FSTL4: variants seen among roughly 807,000 people sequenced by gnomAD.
FSTL4 encodes the protein follistatin like 4, also known as follistatin-related protein 4.
FSTL4 carries 28 observed loss-of-function variants against 78.2 expected under a neutral mutation model. That is an observed-to-expected ratio of 0.36 (90% CI 0.27 to 0.49). The LOEUF (loss-of-function observed/expected upper bound fraction) is 0.49. Among genes scored for constraint, FSTL4 ranks in the 20% least tolerant of loss-of-function variants. The probability of loss-of-function intolerance (pLI) is 0.98; values close to 1 mark genes in which losing one functional copy is unlikely to be tolerated. For synonymous variants in FSTL4, 422 were observed against 440.5 expected (o/e 0.96, Z 0.53); for missense variants, 922 against 1,084.9 (o/e 0.85, Z 2.11).
At chr5:133,834,813 G>A in the FSTL4 span, among the ~76,000 whole-genome samples, 1 of 151,906 alleles carries the variant, frequency 6.6e-6, no homozygotes, top group Non-Finnish European at 1.5e-5. Context: ...AACATGTATA[G>A]TTAGATCCTG....
intron 7 of FSTL4, among the ~76,000 whole-genome samples, chr5:133,241,940 C>T (rs1036918230): frequency 2.0e-5 from 3 of 152,178 alleles, no homozygotes; most frequent in Non-Finnish European, 2.9e-5. Context: ...TGGCTCATTT[C>T]AGGGACCAAG....
intron 3 of FSTL4, among the ~76,000 whole-genome samples, chr5:133,553,083 T>C (rs1759720425): frequency 6.6e-6 from 1 of 152,090 alleles, no homozygotes; most frequent in Non-Finnish European, 1.5e-5. Flanking sequence ...TCTCTGGGCC[T>C]GGAAAACGTA....
chr5:133,603,969 G>A lies in FSTL4; in HGVS notation c.15C>T (p.Gly5=), dbSNP rs200748531. ...CGAGCAGTGTGAGATGCAGCCAAAAGCCTCCTGGTTTCATTTTGATGAGTC... is the reference window on the plus strand; with the variant it reads ...CGAGCAGTGTGAGATGCAGCCAAAAACCTCCTGGTTTCATTTTGATGAGTC... The part of the protein sequence containing the change: MKPG[G]FWLHLTLLGA... Residue 5 remains glycine (G), a synonymous_variant, in exon 2 of 16, where the codon GGC becomes GGT. Transcript: ENST00000265342. 193 of 1,612,780 alleles carry A rather than the reference G, an allele frequency of 1.2e-4. 1 individual carries two copies. The highest frequency in any genetic ancestry group is 7.3e-5 in the Non-Finnish European group (86 of 1,178,810).
At chr5:133,734,789 T>G in the FSTL4 span, among the ~76,000 whole-genome samples, 1 of 152,230 alleles carries the variant, frequency 6.6e-6, no homozygotes, top group Non-Finnish European at 1.5e-5. Flanking sequence ...TCTGCTCTCT[T>G]CAGCAAGTTA....
intron 4 of FSTL4, among the ~76,000 whole-genome samples, chr5:133,399,698 T>C (rs1329419101): frequency 6.6e-6 from 1 of 152,228 alleles, no homozygotes; most frequent in Admixed American, 6.5e-5. Context: ...CACGCCTTTG[T>C]CTTCTAGTGT....
the FSTL4 span, among the ~76,000 whole-genome samples, chr5:133,741,650 G>A: frequency 6.6e-6 from 1 of 152,146 alleles, no homozygotes; most frequent in Non-Finnish European, 1.5e-5. Context: ...AGAACACAGA[G>A]GCCTCTCTGC....
At chr5:133,599,944 C>T (rs62376605) in intron 2 of FSTL4, among the ~76,000 whole-genome samples, 1 of 152,230 alleles carries the variant, frequency 6.6e-6, no homozygotes, top group African/African-American at 2.4e-5. Context: ...AGGCTGCTAC[C>T]ATATCACTTC....
chr5:133,673,290 C>G, the FSTL4 span, among the ~76,000 whole-genome samples: 19 of 152,316 alleles, frequency 1.2e-4, 1 homozygote, highest in Admixed American at 1.2e-3. Context: ...GCTGTGAGTA[C>G]AGGTGTGGCA....
chr5:133,297,589 ACACT>A (rs1753428853), intron 6 of FSTL4, among the ~76,000 whole-genome samples: 1 of 152,234 alleles, frequency 6.6e-6, no homozygotes, highest in Non-Finnish European at 1.5e-5. Flanking sequence ...AAGCTGCTTA[ACACT>A]CAGTCAATGT....
the FSTL4 span, among the ~76,000 whole-genome samples, chr5:133,710,153 T>C: frequency 6.6e-6 from 1 of 152,138 alleles, no homozygotes; most frequent in Non-Finnish European, 1.5e-5. Flanking sequence ...ACATGAGCCA[T>C]CAGCTATCAG....
intron 3 of FSTL4, among the ~76,000 whole-genome samples, chr5:133,466,956 CTG>C (rs1326055280): frequency 4.5e-5 from 6 of 132,700 alleles, no homozygotes; most frequent in Admixed American, 1.4e-4. Context: ...GTACGAGTGA[CTG>C]TATGTGTGTG....
intron 3 of FSTL4, among the ~76,000 whole-genome samples, chr5:133,511,500 C>T (rs1177688847): frequency 6.6e-6 from 1 of 152,204 alleles, no homozygotes; most frequent in Non-Finnish European, 1.5e-5. Context: ...TTGTACCCCA[C>T]AACTTGCTGT....
rs76716035 is a variant in FSTL4, at chr5:133,200,645, G to A, written c.1827-848C>T. Among the ~76,000 whole-genome samples the A allele has an allele frequency of 8.5e-3, 1,294 of 152,338 alleles. 22 individuals are homozygous for A. Among genetic ancestry groups the A allele is most frequent in the African/African-American group, 0.03 (1,243 of 41,572 alleles). On this transcript the variant is annotated intron_variant, in intron 15 of 15. Coordinates refer to ENST00000265342, the MANE Select transcript of FSTL4 (RefSeq NM_015082.2). ...TAAAATTCCTCTTTGGAGGCTGGTT[G>A]GAAGTATGGAAAAGCCTGACTCCAG... is the stretch of plus-strand genomic sequence containing the variant.
chr5:133,282,982 T>A (rs1753044337), intron 6 of FSTL4, among the ~76,000 whole-genome samples: 3 of 152,142 alleles, frequency 2.0e-5, no homozygotes, highest in African/African-American at 7.2e-5. Flanking sequence ...TTCTGAGAAA[T>A]GATTTGGGAG....
At chr5:133,263,437 G>T (rs891643308) in intron 6 of FSTL4, among the ~76,000 whole-genome samples, 10 of 152,306 alleles carry the variant, frequency 6.6e-5, no homozygotes, top group Non-Finnish European at 1.2e-4. Flanking sequence ...GCAGGGGCCA[G>T]TGAGGAGGGT....
intron 4 of FSTL4, among the ~76,000 whole-genome samples, chr5:133,393,550 A>G (rs1236367733): frequency 6.6e-6 from 1 of 152,226 alleles, no homozygotes; most frequent in Non-Finnish European, 1.5e-5. Flanking sequence ...TGAAAGAACA[A>G]CAGCGGCTAC....
chr5:133,764,416 C>G, the FSTL4 span, among the ~76,000 whole-genome samples: 1 of 152,172 alleles, frequency 6.6e-6, no homozygotes, highest in Admixed American at 6.5e-5. Flanking sequence ...GGAGTGGGAA[C>G]CTGGGGACCC....
the FSTL4 span, among the ~76,000 whole-genome samples, chr5:133,812,989 G>T: frequency 4.6e-5 from 7 of 152,198 alleles, no homozygotes; most frequent in Admixed American, 4.6e-4. Flanking sequence ...GTGGAAGATG[G>T]CTCCCTTTGG....
intron 3 of FSTL4, among the ~76,000 whole-genome samples, chr5:133,446,991 C>T (rs1307543222): frequency 6.6e-6 from 1 of 152,194 alleles, no homozygotes; most frequent in South Asian, 2.1e-4. Context: ...GAAAAGACAG[C>T]TCCTACAAAG....
Sources: gnomAD v4.1 joint callset for allele counts (sites outside exome capture counted in the v4.1 genomes callset) on GRCh38, gnomAD v4.1.1 for gene constraint, MANE v1.5 for transcripts, NCBI Gene and HGNC (gene_info 2026-07-23, HGNC 2026-07-21) for gene names.